The following KCNH5 variants were observed in gnomAD, a reference collection of about 807,000 sequenced individuals.
The protein encoded by KCNH5 is voltage-gated delayed rectifier potassium channel KCNH5.
In KCNH5, 46 loss-of-function variants were observed where a neutral mutation model predicts 96.1. That is an observed-to-expected ratio of 0.48 (90% confidence interval 0.38 to 0.61). The LOEUF is 0.61. KCNH5 is among the 20% of genes least tolerant of loss of function. The pLI, the probability that KCNH5 is intolerant of heterozygous loss-of-function variation, is 0.00. For missense variants in KCNH5, 907 were observed against 1,225.8 expected, an observed-to-expected ratio of 0.74 and a Z score of 3.88; for synonymous variants, 439 against 449.8, an observed-to-expected ratio of 0.98 and a Z score of 0.30.
chr14:62,736,862 C>A (rs1424827771), intron 10 of KCNH5, among the ~76,000 whole-genome samples: 1 of 152,172 alleles, frequency 6.6e-6, no homozygotes, highest in Admixed American at 6.6e-5. Flanking sequence ...ACAGTGAATT[C>A]CAAGACTACA....
intron 6 of KCNH5, among the ~76,000 whole-genome samples, chr14:62,971,306 A>G (rs1890402913): frequency 6.6e-6 from 1 of 152,144 alleles, no homozygotes; most frequent in Non-Finnish European, 1.5e-5. Context: ...ATCTAATAAA[A>G]TGTGCACATG....
intron 6 of KCNH5, among the ~76,000 whole-genome samples, chr14:62,951,493 T>C (rs1226029536): frequency 6.6e-6 from 1 of 152,178 alleles, no homozygotes; most frequent in Non-Finnish European, 1.5e-5. Flanking sequence ...GCAAATCCAT[T>C]CGTATCCATG....
At position 62,704,553 on chromosome 14, in the gene KCNH5, C is replaced by T. The variant is rs919473297; in HGVS notation, c.*2955G>A. ...TAATTTGACTTTTGCTATTTTGTTA[C>T]AACCACCTGTCGAGGATACAGCATC... On this transcript the variant is annotated 3_prime_UTR_variant, in exon 11 of 11. Transcript: ENST00000322893. 5.9e-5 allele frequency: 9 copies of T among 151,866 alleles called. No individual in the cohort carries two copies. Among genetic ancestry groups the T allele is most frequent in the African/African-American group, 2.2e-4 (9 of 41,406 alleles). 9.4% of individuals were successfully genotyped at this position (151,866 alleles called of 1,614,324 possible).
intron 8 of KCNH5, among the ~76,000 whole-genome samples, chr14:62,839,993 A>G (rs533574760): frequency 6.6e-6 from 1 of 152,106 alleles, no homozygotes; most frequent in African/African-American, 2.4e-5. Context: ...CATCATCACA[A>G]TATAAAATCA....
At chr14:62,932,289 T>C (rs892471381) in intron 7 of KCNH5, among the ~76,000 whole-genome samples, 4 of 151,814 alleles carry the variant, frequency 2.6e-5, no homozygotes, top group African/African-American at 9.7e-5. Context: ...AGAGGAGATT[T>C]TGCACTCATG....
intron 6 of KCNH5, 28 bp from the exon 7 acceptor site, chr14:62,950,587 CA>C: frequency 7.1e-7 from 1 of 1,411,454 alleles, no homozygotes; most frequent in Admixed American, 2.3e-5. Flanking sequence ...AAAAAAATTA[CA>C]CCACATTTTC....
intron 8 of KCNH5, among the ~76,000 whole-genome samples, chr14:62,813,972 G>C (rs1349294675): frequency 3.9e-5 from 6 of 152,116 alleles, no homozygotes; most frequent in Non-Finnish European, 8.8e-5. Context: ...CAATCTCTAG[G>C]GGTGTCAAAA....
chr14:62,812,252 T>TA (rs1234483868), intron 8 of KCNH5, among the ~76,000 whole-genome samples: 3 of 152,198 alleles, frequency 2.0e-5, no homozygotes, highest in Non-Finnish European at 2.9e-5. Flanking sequence ...GTTTATTTAT[T>TA]AGGAAACCAT....
chr14:62,869,380 T>TTG (rs202021136), intron 7 of KCNH5, among the ~76,000 whole-genome samples: 7,484 of 137,928 alleles, frequency 0.054, 620 homozygotes, highest in African/African-American at 0.18. Context: ...TTTGATGGGG[T>TTG]TTTTTTTTTT....
intron 7 of KCNH5, among the ~76,000 whole-genome samples, chr14:62,929,178 C>G (rs1889532724): frequency 6.7e-6 from 1 of 149,098 alleles, no homozygotes; most frequent in Admixed American, 6.7e-5. Context: ...GGAGTCATCT[C>G]TGATTTCTCT....
At chr14:62,915,135 C>G (rs1312174886) in intron 7 of KCNH5, among the ~76,000 whole-genome samples, 2 of 152,224 alleles carry the variant, frequency 1.3e-5, no homozygotes, top group Non-Finnish European at 2.9e-5. Context: ...CTGGCTTTGC[C>G]ACTTTGTAAC....
intron 10 of KCNH5, among the ~76,000 whole-genome samples, chr14:62,728,909 A>C (rs1363771068): frequency 6.6e-6 from 1 of 152,246 alleles, no homozygotes; most frequent in African/African-American, 2.4e-5. Flanking sequence ...GACTAAGAGC[A>C]TGGGGCATTT....
chr14:62,973,376 T>A (rs1890445174), intron 6 of KCNH5, among the ~76,000 whole-genome samples: 1 of 152,202 alleles, frequency 6.6e-6, no homozygotes, highest in African/African-American at 2.4e-5. Flanking sequence ...TAAAACTTAA[T>A]CCTCAATGCA....
At chr14:62,962,319 C>G (rs1218687983) in intron 6 of KCNH5, among the ~76,000 whole-genome samples, 2 of 152,174 alleles carry the variant, frequency 1.3e-5, no homozygotes, top group African/African-American at 4.8e-5. Flanking sequence ...GCAATTAATG[C>G]AGACCCTAAT....
At chr14:62,839,276 T>A (rs1355063157) in intron 8 of KCNH5, among the ~76,000 whole-genome samples, 1 of 152,176 alleles carries the variant, frequency 6.6e-6, no homozygotes, top group African/African-American at 2.4e-5. Flanking sequence ...GTAACAGTCA[T>A]GTATTCAACT....
intron 10 of KCNH5, among the ~76,000 whole-genome samples, chr14:62,718,984 C>T (rs1019351015): frequency 2.0e-5 from 3 of 152,168 alleles, no homozygotes; most frequent in African/African-American, 7.2e-5. Context: ...ATTTCACTTA[C>T]ATGCAATGTC....
intron 7 of KCNH5, among the ~76,000 whole-genome samples, chr14:62,901,351 A>C (rs1053097121): frequency 2.6e-5 from 4 of 152,078 alleles, no homozygotes; most frequent in Admixed American, 6.5e-5. Context: ...GATAGTACAC[A>C]ATAGTTTTCC....
chr14:62,839,831 T>A (rs140681475), intron 8 of KCNH5, among the ~76,000 whole-genome samples: 4,288 of 152,254 alleles, frequency 0.028, 90 homozygotes, highest in South Asian at 0.057. Flanking sequence ...AATTTTATTA[T>A]AAAATAGGTG....
chr14:62,909,918 A>G (rs771801445), intron 7 of KCNH5, among the ~76,000 whole-genome samples: 1 of 151,980 alleles, frequency 6.6e-6, no homozygotes, highest in African/African-American at 2.4e-5. Context: ...ACAATATTTC[A>G]TTTATTATAT....
Sources: allele counts gnomAD v4.1 joint callset (sites outside exome capture counted in the v4.1 genomes callset), GRCh38; gene constraint gnomAD v4.1.1; transcripts MANE v1.5; gene names NCBI Gene and HGNC (gene_info 2026-07-23, HGNC 2026-07-21).